Variants in SLCO3A1 observed in about 807,000 individuals in gnomAD.
SLCO3A1 encodes PGE1 transporter.
In SLCO3A1, 27 loss-of-function variants were observed where a neutral mutation model predicts 63.1. The ratio of observed to expected loss-of-function variants is 0.43; its 90% CI spans 0.32 to 0.59. SLCO3A1 has a LOEUF of 0.59. Ranked by LOEUF, SLCO3A1 falls within the 20% of genes least tolerant of loss-of-function variation. The pLI, the probability that SLCO3A1 is intolerant of heterozygous loss-of-function variation, is 0.09. For missense variants in SLCO3A1, 773 were observed against 945.8 expected, an observed-to-expected ratio of 0.82 and a Z score of 2.40; for synonymous variants, 473 against 409.9, an observed-to-expected ratio of 1.15 and a Z score of -1.86.
At chr15:92,040,424 G>C (rs1228065700) in intron 2 of SLCO3A1, among the ~76,000 whole-genome samples, 1 of 152,156 alleles carries the variant, frequency 6.6e-6, no homozygotes, top group East Asian at 1.9e-4. Flanking sequence ...TGGAGATACT[G>C]ATTTCTAATG....
chr15:92,009,046 T>A (rs1004098461), intron 2 of SLCO3A1, among the ~76,000 whole-genome samples: 3 of 152,200 alleles, frequency 2.0e-5, no homozygotes, highest in African/African-American at 4.8e-5. Context: ...TCTTTTTAAT[T>A]GAAATGACAT....
Position 92,164,618 on chromosome 15 carries a change from T to G in SLCO3A1, c.*1483T>G. 3 of 985,350 alleles carry G rather than the reference T, an allele frequency of 3.0e-6. No individual in the cohort carries two copies. Among genetic ancestry groups the G allele is most frequent in the Non-Finnish European group, 3.6e-6 (3 of 829,900 alleles). The allele number at this position is 985,350 out of a possible 1,614,324, so 61.0% of individuals were successfully genotyped here. A position where few individuals can be genotyped will look rare whatever the true frequency, so the allele number is the denominator to read the frequency against. ...GCTGTTAAGAAGTCTGTAGCATCTC[T>G]GATAACGAATAGACCCACAAGCTCC... On this transcript the variant is annotated 3_prime_UTR_variant, in exon 10 of 10. Coordinates refer to ENST00000318445, the MANE Select transcript of SLCO3A1 (RefSeq NM_013272.4).
intron 2 of SLCO3A1, among the ~76,000 whole-genome samples, chr15:91,994,623 G>A (rs1432411761): frequency 6.6e-6 from 1 of 152,228 alleles, no homozygotes; most frequent in Non-Finnish European, 1.5e-5. Flanking sequence ...ACTGCCTTCA[G>A]AATCCAGTGC....
At chr15:92,093,442 A>T (rs74370572) in intron 2 of SLCO3A1, among the ~76,000 whole-genome samples, 3,467 of 152,264 alleles carry the variant, frequency 0.023, 134 homozygotes, top group African/African-American at 0.079. Context: ...GTCTGCCCCC[A>T]TGATCTAATA....
At position 92,142,506 on chromosome 15, in the gene SLCO3A1, C is replaced by T. The variant is rs528601827; in HGVS notation, c.1513-4478C>T. Among the ~76,000 whole-genome samples the T allele has an allele frequency of 1.4e-4, 21 of 152,272 alleles. No homozygotes were observed. In the South Asian group the frequency reaches 3.9e-3, roughly 29 times the overall value. On this transcript the variant is annotated intron_variant, in intron 7 of 9. Coordinates refer to ENST00000318445, the MANE Select transcript of SLCO3A1 (RefSeq NM_013272.4). ...ATCCCATTCATGAGTCCTCTACCCT[C>T]GTGACCTAATCACCTCCTGAAGAAC...
At chr15:92,127,547 G>A (rs2048902151) in intron 6 of SLCO3A1, among the ~76,000 whole-genome samples, 1 of 152,138 alleles carries the variant, frequency 6.6e-6, no homozygotes, top group Admixed American at 6.5e-5. Context: ...AAATTGCCGG[G>A]TGTCGCCATC....
intron 8 of SLCO3A1, chr15:92,149,090 C>T (rs938043294): frequency 1.4e-4 from 22 of 152,408 alleles, no homozygotes; most frequent in African/African-American, 5.3e-4. Flanking sequence ...CTCTTATTAG[C>T]TTGCCCCACG....
chr15:91,891,626 A>G (rs1173432330), intron 1 of SLCO3A1, among the ~76,000 whole-genome samples: 1 of 152,226 alleles, frequency 6.6e-6, no homozygotes, highest in Non-Finnish European at 1.5e-5. Context: ...CAATCTCTAC[A>G]TATACAAAAT....
rs1397284906 is a variant in SLCO3A1, at chr15:91,871,474, A to G, written c.180+17386A>G. On this transcript the variant is annotated intron_variant, in intron 1 of 9. Coordinates refer to ENST00000318445, the MANE Select transcript of SLCO3A1 (RefSeq NM_013272.4). ...GTCTTCATTCCTTGCAGCAGAGATG[A>G]TCAACACCACGGTTTATGCATCATC... Among the ~76,000 whole-genome samples, 3 of 152,288 alleles carry G rather than the reference A, an allele frequency of 2.0e-5. No homozygotes were observed. In the East Asian group the frequency reaches 5.8e-4, roughly 29 times the overall value.
intron 2 of SLCO3A1, among the ~76,000 whole-genome samples, chr15:91,985,738 C>T (rs1055253384): frequency 5.3e-5 from 8 of 152,294 alleles, no homozygotes; most frequent in African/African-American, 2.4e-5. Flanking sequence ...TGTGCCAGTT[C>T]TGGAGGGTGG....
chr15:92,127,204 G>A (rs376809955), intron 6 of SLCO3A1, among the ~76,000 whole-genome samples: 11 of 152,268 alleles, frequency 7.2e-5, no homozygotes, highest in East Asian at 1.9e-4. Flanking sequence ...CCCCGACTTC[G>A]TGTTCAGATA....
intron 2 of SLCO3A1, among the ~76,000 whole-genome samples, chr15:91,981,268 G>A (rs1236902198): frequency 1.3e-5 from 2 of 152,174 alleles, no homozygotes; most frequent in Non-Finnish European, 2.9e-5. Flanking sequence ...CTGCTCCTTT[G>A]TGCCATGGCT....
chr15:92,008,530 C>G (rs16946221), intron 2 of SLCO3A1, among the ~76,000 whole-genome samples: 8,920 of 152,188 alleles, frequency 0.059, 925 homozygotes, highest in African/African-American at 0.2. Flanking sequence ...GTTTTAAATT[C>G]CTTGACTTGT....
chr15:92,022,930 T>C (rs2046528369), intron 2 of SLCO3A1, among the ~76,000 whole-genome samples: 1 of 152,178 alleles, frequency 6.6e-6, no homozygotes, highest in Non-Finnish European at 1.5e-5. Context: ...CAGTGCTACC[T>C]GCAGTCAGGG....
rs536856356 is a variant in SLCO3A1 at position 91,945,521 on chromosome 15, G to A, written c.646+29063G>A. On this transcript the variant is annotated intron_variant, in intron 2 of 9. Transcript: ENST00000318445. ...CAAGTTGTAATGAGTGCTGTGAAGGGGAAACACCGAAGGCAGCAAGGACAG... is the reference window on the plus strand; with the variant it reads ...CAAGTTGTAATGAGTGCTGTGAAGGAGAAACACCGAAGGCAGCAAGGACAG... Among the ~76,000 whole-genome samples, 5 of 152,274 alleles carry A rather than the reference G, an allele frequency of 3.3e-5. No homozygotes were observed. The South Asian group carries it at 1.0e-3, about 32-fold the overall frequency.
chr15:91,973,267 C>T (rs1900953002), intron 2 of SLCO3A1, among the ~76,000 whole-genome samples: 1 of 152,198 alleles, frequency 6.6e-6, no homozygotes, highest in Non-Finnish European at 1.5e-5. Flanking sequence ...CCTGCTCCTC[C>T]CAGGCACTTC....
At chr15:91,949,482 T>A (rs1374410321) in intron 2 of SLCO3A1, among the ~76,000 whole-genome samples, 1 of 151,358 alleles carries the variant, frequency 6.6e-6, no homozygotes, top group Non-Finnish European at 1.5e-5. Context: ...ATATAAAAAT[T>A]AGCCAAGCGT....
chr15:92,125,258 G>T (rs1276319730), intron 5 of SLCO3A1, among the ~76,000 whole-genome samples: 1 of 152,148 alleles, frequency 6.6e-6, no homozygotes, highest in African/African-American at 2.4e-5. Flanking sequence ...GTAGATAAAT[G>T]ACACGTAGCA....
rs1898511029 is a variant in SLCO3A1 at position 91,912,271 on chromosome 15, T to C, written c.181-3722T>C. ...CATACTTAGTCTGTCTTCTCAAAATTGTGTTTTAAATGAGTGAAAACATTA... is the reference window on the plus strand; with the variant it reads ...CATACTTAGTCTGTCTTCTCAAAATCGTGTTTTAAATGAGTGAAAACATTA... On this transcript the variant is annotated intron_variant, in intron 1 of 9. Transcript: ENST00000318445. The surrounding 1 kb of genome is among the most constrained non-coding windows in gnomAD (Gnocchi z 5.0). 6.6e-6 allele frequency among the ~76,000 whole-genome samples: 1 copy of C among 152,218 alleles called. No individual in the cohort carries two copies. The highest frequency in any genetic ancestry group is 1.5e-5 in the Non-Finnish European group (1 of 68,046).
Sources: allele counts gnomAD v4.1 joint callset (sites outside exome capture counted in the v4.1 genomes callset), GRCh38; gene constraint gnomAD v4.1.1; non-coding constraint Gnocchi (gnomAD v3.1); transcripts MANE v1.5; gene names NCBI Gene and HGNC (gene_info 2026-07-23, HGNC 2026-07-21).